The following STAU1 variants were observed in gnomAD, a reference collection of about 807,000 sequenced individuals.
The protein encoded by STAU1 is double-stranded RNA-binding protein Staufen homolog 1.
Under a neutral mutation model 62.9 loss-of-function variants are expected in STAU1, and 13 were observed. That is an observed-to-expected ratio of 0.21 (90% CI 0.13 to 0.33). The LOEUF (loss-of-function observed/expected upper bound fraction) is 0.33, where lower values mean the gene tolerates loss of function less well. Ranked by LOEUF, STAU1 falls within the 10% of genes least tolerant of loss-of-function variation. The pLI is 1.00. For synonymous variants in STAU1, 269 were observed against 265.1 expected, an observed-to-expected ratio of 1.01 and a Z score of -0.14; for missense variants, 571 against 712.1, an observed-to-expected ratio of 0.80 and a Z score of 2.25.
chr20:49,191,022 T>A (rs529138587), upstream of STAU1, among the ~76,000 whole-genome samples: 4 of 142,692 alleles, frequency 2.8e-5, no homozygotes, highest in East Asian at 8.2e-4. Flanking sequence ...CATTTATTTT[T>A]ATTTTTAATT....
chr20:49,166,144 T>C lies in STAU1; in HGVS notation c.58A>G (p.Ile20Val). 6.2e-7 allele frequency: 1 copy of C among 1,614,174 alleles called. No homozygotes were observed. Among genetic ancestry groups the C allele is most frequent in the Non-Finnish European group, 8.5e-7 (1 of 1,180,030 alleles). Residue 20 changes from isoleucine to valine, a missense_variant, in exon 3 of 14, where the codon ATA becomes GTA. Ile to Val is a conservative substitution (Grantham distance 29). Around this residue, in one of 3 missense-constraint regions of STAU1, gnomAD observed 414 missense variants for 499.6 expected, o/e 0.83. Transcript: ENST00000371856. ...AGAAGAGACTGGTTCTTGTTCAGTA[T>C]TTGGCTCCCTGAGAGAGCAGCAGAT... Reference protein sequence around the residue: ...NPSAALSGSQILNKNQSLLSQ... With the variant: ...NPSAALSGSQVLNKNQSLLSQ...
intron 2 of STAU1, among the ~76,000 whole-genome samples, chr20:49,172,170 GA>G (rs1376256812): frequency 1.3e-5 from 2 of 152,184 alleles, no homozygotes; most frequent in Admixed American, 6.5e-5. Context: ...TAACAGTTGG[GA>G]GGTCAGATGG....
the STAU1 span, among the ~76,000 whole-genome samples, chr20:49,212,069 G>A: frequency 6.6e-6 from 1 of 152,012 alleles, no homozygotes; most frequent in Non-Finnish European, 1.5e-5. Context: ...GCTCAGTGCA[G>A]CTTCAACCTC....
chr20:49,210,389 C>T, the STAU1 span: 2 of 454,564 alleles, frequency 4.4e-6, no homozygotes, highest in African/African-American at 4.0e-5. Context: ...AGTTCTTTCT[C>T]ATTCCAGGGG....
chr20:49,125,872 C>T lies in STAU1; in HGVS notation c.610-1285G>A, dbSNP rs148147621. 7.3e-3 allele frequency among the ~76,000 whole-genome samples: 1,114 copies of T among 151,974 alleles called. 5 individuals carry two copies. The highest frequency in any genetic ancestry group is 0.01 in the Non-Finnish European group (683 of 68,008). On this transcript the variant is annotated intron_variant, in intron 6 of 13. Coordinates refer to ENST00000371856, the MANE Select transcript of STAU1 (RefSeq NM_017453.4). Reference sequence around the variant, plus strand: ...AGCAAGCAATGAAATTAGTTACCTACAACAGGTGTGAGGGATTAGGGTAGA... The same window carrying T: ...AGCAAGCAATGAAATTAGTTACCTATAACAGGTGTGAGGGATTAGGGTAGA...
chr20:49,159,172 T>C lies in STAU1; in HGVS notation c.206-5101A>G, dbSNP rs1191886744. ...CTAAAAAAAAAAAAACACACAAAGT[T>C]ATTCTCGTGAACCGTCTTGCCTTTC... On this transcript the variant is annotated intron_variant, in intron 3 of 13. Coordinates refer to ENST00000371856, the MANE Select transcript of STAU1 (RefSeq NM_017453.4). The C allele has an allele frequency of 3.7e-6, 4 of 1,077,128 alleles. No homozygotes were observed. The African/African-American group carries it at 5.1e-5, about 14-fold the overall frequency. The allele number at this position is 1,077,128 out of a possible 1,614,324, so 66.7% of individuals were successfully genotyped here. A position where few individuals can be genotyped will look rare whatever the true frequency, so the allele number is the denominator to read the frequency against.
chr20:49,160,599 T>G (rs955809440), intron 3 of STAU1, among the ~76,000 whole-genome samples: 1 of 152,178 alleles, frequency 6.6e-6, no homozygotes, highest in Non-Finnish European at 1.5e-5. Context: ...ACTGAATTAT[T>G]TTTTTCCTTT....
chr20:49,186,237 T>G (rs2093785658), intron 1 of STAU1, among the ~76,000 whole-genome samples: 1 of 151,584 alleles, frequency 6.6e-6, no homozygotes. Context: ...TCCCAGCTAC[T>G]CGGGAGGCTG....
the STAU1 span, chr20:49,210,349 A>G: frequency 4.5e-6 from 2 of 448,892 alleles, no homozygotes; most frequent in Admixed American, 2.4e-5. Context: ...ATACAATGCT[A>G]GGTTAGAAAT....
At chr20:49,189,282 G>C (rs1276542720), upstream of STAU1, among the ~76,000 whole-genome samples, 1 of 138,732 alleles carries the variant, frequency 7.2e-6, no homozygotes, top group Non-Finnish European at 1.5e-5. Context: ...CCCAGACCTA[G>C]ATAAACTAAG....
chr20:49,192,484 A>G (rs2093832584), upstream of STAU1, among the ~76,000 whole-genome samples: 1 of 152,208 alleles, frequency 6.6e-6, no homozygotes, highest in Non-Finnish European at 1.5e-5. Context: ...AAAATGTTTA[A>G]TTCTGCAAAA....
the STAU1 span, among the ~76,000 whole-genome samples, chr20:49,213,709 C>T: frequency 6.6e-6 from 1 of 152,164 alleles, no homozygotes; most frequent in Non-Finnish European, 1.5e-5. Context: ...TCCAGCCTCA[C>T]CAATGCCACC....
intron 5 of STAU1, among the ~76,000 whole-genome samples, chr20:49,150,652 C>T (rs1293383262): frequency 1.3e-5 from 2 of 152,080 alleles, no homozygotes; most frequent in East Asian, 1.9e-4. Flanking sequence ...TGAGCCACTG[C>T]GCCCAGCCAC....
At chr20:49,210,486 TCTC>T in the STAU1 span, 1 of 455,964 alleles carries the variant, frequency 2.2e-6, no homozygotes, top group South Asian at 1.5e-5. Flanking sequence ...TTTTCCTCCT[TCTC>T]CTCCTTGTTT....
At chr20:49,187,296 G>A (rs2093799834) in intron 1 of STAU1, among the ~76,000 whole-genome samples, 1 of 152,160 alleles carries the variant, frequency 6.6e-6, no homozygotes, top group Non-Finnish European at 1.5e-5. Flanking sequence ...GAGATGGAAA[G>A]AAACAGCATC....
upstream of STAU1, among the ~76,000 whole-genome samples, chr20:49,190,280 C>T (rs1054077084): frequency 2.0e-5 from 3 of 152,016 alleles, no homozygotes; most frequent in African/African-American, 4.8e-5. Flanking sequence ...TTCCTCCTTC[C>T]GCATCTTTTT....
In STAU1 at chr20:49,135,859, T is replaced by C. The variant is rs2092871157; in HGVS notation, c.583A>G (p.Lys195Glu). 1.2e-6 allele frequency: 2 copies of C among 1,613,786 alleles called. No homozygotes were observed. Among genetic ancestry groups the C allele is most frequent in the Admixed American group, 1.7e-5 (1 of 59,930 alleles). The stretch of plus-strand genomic sequence containing the variant: ...TCGAAATTCACAGGCAAGTTCCGTT[T>C]AAGTGCAATCTCAAACACTTGACTT... ...EISQVFEIAL[K>E]RNLPVNFEVA... Residue 195 changes from lysine (K) to glutamate (E), a missense_variant, in exon 6 of 14, where the codon AAA (lysine) becomes GAA (glutamate). By Grantham distance (56) the Lys-to-Glu change is moderately conservative. Coordinates refer to ENST00000371856, the MANE Select transcript of STAU1 (RefSeq NM_017453.4).
intron 5 of STAU1, among the ~76,000 whole-genome samples, chr20:49,148,419 C>A (rs192520036): frequency 6.6e-6 from 1 of 152,168 alleles, no homozygotes; most frequent in African/African-American, 2.4e-5. Flanking sequence ...TATCCCATTA[C>A]GTATGATGGA....
Position 49,153,930 on chromosome 20 carries a change from T to C in STAU1, c.344+3A>G. 6.8e-7 allele frequency: 1 copy of C among 1,467,458 alleles called. No individual in the cohort carries two copies. Among genetic ancestry groups the C allele is most frequent in the Non-Finnish European group, 9.2e-7 (1 of 1,090,826 alleles). 90.9% of individuals were successfully genotyped at this position (1,467,458 alleles called of 1,614,324 possible). A position where few individuals can be genotyped will look rare whatever the true frequency, so the allele number is the denominator to read the frequency against. The stretch of plus-strand genomic sequence containing the variant: ...ACAAAAAAAAAAAAAAAAAAACACA[T>C]ACCTCGGGGGATAAGCACCTCCTCT... On this transcript the variant is annotated splice_donor_region_variant and intron_variant, in intron 4 of 13. Transcript: ENST00000371856.
Sources: gnomAD v4.1 joint callset for allele counts (sites outside exome capture counted in the v4.1 genomes callset) on GRCh38, gnomAD v4.1.1 for gene constraint, gnomAD v4.1.1 regional missense constraint, MANE v1.5 for transcripts, NCBI Gene and HGNC (gene_info 2026-07-23, HGNC 2026-07-21) for gene names.